Variants in JDP2 observed in about 807,000 individuals in gnomAD.
The protein encoded by JDP2 is progesterone receptor co-activator.
A neutral mutation model predicts 17.1 loss-of-function variants in JDP2; 9 were observed. That is an observed-to-expected ratio of 0.53 (90% CI 0.32 to 0.92). The LOEUF (loss-of-function observed/expected upper bound fraction) is 0.92. JDP2 is among the 40% of genes least tolerant of loss of function. JDP2 has a pLI of 0.04. For missense variants in JDP2, 179 were observed against 220.0 expected (o/e 0.81, Z 1.18); for synonymous variants, 107 against 95.6 (o/e 1.12, Z -0.69).
chr14:75,472,067 G>A lies in JDP2; in HGVS notation c.*2592G>A, dbSNP rs1026154105. 2.6e-5 allele frequency: 4 copies of A among 152,208 alleles called. No individual in the cohort carries two copies. The highest frequency in any genetic ancestry group is 4.8e-5 in the African/African-American group (2 of 41,434). The allele number at this position is 152,208 out of a possible 1,614,324, so 9.4% of individuals were successfully genotyped here. On this transcript the variant is annotated 3_prime_UTR_variant, in exon 4 of 4. Coordinates refer to ENST00000651602, the MANE Select transcript of JDP2 (RefSeq NM_001135048.2). ...AGTCACCACACCAGTGACTTGTGCT[G>A]TGCGGAGCCTTCCTCACCAGGACCA... is the stretch of plus-strand genomic sequence containing the variant.
At chr14:75,427,642 G>C (rs1884582141), upstream of JDP2, 1 of 154,288 alleles carries the variant, frequency 6.5e-6, no homozygotes, top group South Asian at 2.0e-4. This position sits in a 1 kb window ranked among gnomAD's most constrained non-coding sequence, Gnocchi z 4.4. Context: ...CTAGGGCTGC[G>C]GCTGCTGCTG....
intron 2 of JDP2, among the ~76,000 whole-genome samples, chr14:75,441,513 C>T (rs1693202358): frequency 6.6e-6 from 1 of 152,162 alleles, no homozygotes; most frequent in African/African-American, 2.4e-5. Context: ...CATCTCTCGG[C>T]ACCGTATATT....
Position 75,472,209 on chromosome 14 carries a change from C to G in JDP2, c.*2734C>G, listed in dbSNP as rs1210431756. On this transcript the variant is annotated 3_prime_UTR_variant, in exon 4 of 4. Transcript: ENST00000651602. Reference sequence around the variant, plus strand: ...TGTGACCTCAACTGCTTTGTGCACCCTGACTGGGGGGTAGGTGCTAGCGTT... The same window carrying G: ...TGTGACCTCAACTGCTTTGTGCACCGTGACTGGGGGGTAGGTGCTAGCGTT... The G allele has an allele frequency of 6.6e-6, 1 of 152,232 alleles. No homozygotes were observed. Among genetic ancestry groups the G allele is most frequent in the Non-Finnish European group, 1.5e-5 (1 of 68,044 alleles). 9.4% of individuals were successfully genotyped at this position (152,232 alleles called of 1,614,324 possible).
At chr14:75,434,059 CTT>C (rs1884946028) in intron 1 of JDP2, among the ~76,000 whole-genome samples, 1 of 152,180 alleles carries the variant, frequency 6.6e-6, no homozygotes, top group South Asian at 2.1e-4. Flanking sequence ...GATTTCACCT[CTT>C]GTCATCTTTC....
At position 75,435,287 on chromosome 14, in the gene JDP2, G is replaced by A. The variant is rs571253976; in HGVS notation, c.-23-2611G>A. Among the ~76,000 whole-genome samples the A allele has an allele frequency of 3.9e-5, 6 of 152,350 alleles. No individual in the cohort carries two copies. The South Asian group carries it at 1.0e-3, about 26-fold the overall frequency. ...CCACTAGGCTCCAGTCCAGCTCAGAGTTTGGGGGATCAGAGAACATTGAAC... is the reference window on the plus strand; with the variant it reads ...CCACTAGGCTCCAGTCCAGCTCAGAATTTGGGGGATCAGAGAACATTGAAC... On this transcript the variant is annotated intron_variant, in intron 1 of 3. Transcript: ENST00000651602.
Position 75,432,038 on chromosome 14 carries a change from G to C in JDP2, c.-24+3786G>C, listed in dbSNP as rs894067684. 3.7e-4 allele frequency: 190 copies of C among 520,532 alleles called. 1 individual carries two copies. The highest frequency in any genetic ancestry group is 3.1e-3 in the Middle Eastern group (6 of 1,962). 32.2% of individuals were successfully genotyped at this position (520,532 alleles called of 1,614,324 possible). A position where few individuals can be genotyped will look rare whatever the true frequency, so the allele number is the denominator to read the frequency against. On this transcript the variant is annotated intron_variant, in intron 1 of 3. Coordinates refer to ENST00000651602, the MANE Select transcript of JDP2 (RefSeq NM_001135048.2). ...CCCAAGGGCACACAGCTAGTAAGAA[G>C]GGACAGAGCTAGGATTCACACTCAG...
intron 2 of JDP2, among the ~76,000 whole-genome samples, chr14:75,439,000 G>A (rs1201495497): frequency 6.6e-6 from 1 of 152,250 alleles, no homozygotes; most frequent in African/African-American, 2.4e-5. Context: ...GTGGGGAAGA[G>A]GCTGGGATCG....
At chr14:75,432,429 C>T (rs1395593107) in intron 1 of JDP2, 1 of 1,243,950 alleles carries the variant, frequency 8.0e-7, no homozygotes, top group East Asian at 2.6e-5. Flanking sequence ...GGAATCTTCC[C>T]AGGCTCTGGC....
intron 1 of JDP2, chr14:75,432,046 G>A (rs1884821962): frequency 1.8e-6 from 1 of 547,120 alleles, no homozygotes; most frequent in Non-Finnish European, 3.3e-6. Flanking sequence ...AAGGGACAGA[G>A]CTAGGATTCA....
chr14:75,432,277 G>A (rs1884841446), intron 1 of JDP2: 4 of 1,545,580 alleles, frequency 2.6e-6, no homozygotes, highest in Middle Eastern at 1.7e-4. Flanking sequence ...GTCATCCTGG[G>A]TGATTCCTTA....
At chr14:75,462,253 C>T (rs1594974051) in intron 3 of JDP2, among the ~76,000 whole-genome samples, 1 of 152,194 alleles carries the variant, frequency 6.6e-6, no homozygotes, top group Admixed American at 6.6e-5. Context: ...GGGAACATGA[C>T]CAGAAAGCTA....
intron 2 of JDP2, among the ~76,000 whole-genome samples, chr14:75,455,927 G>C (rs1350405278): frequency 2.0e-5 from 3 of 152,154 alleles, no homozygotes; most frequent in Non-Finnish European, 2.9e-5. Context: ...CTGCTTAAGG[G>C]CCCTTCCGCA....
chr14:75,438,152 C>G, intron 2 of JDP2, 31 bp downstream of exon 2: 1 of 1,539,754 alleles, frequency 6.5e-7, no homozygotes, highest in Non-Finnish European at 8.8e-7. Context: ...TGGCAGATTC[C>G]AGGTCTGGCC....
chr14:75,443,295 G>A (rs184693476), intron 2 of JDP2, among the ~76,000 whole-genome samples: 32 of 152,296 alleles, frequency 2.1e-4, no homozygotes, highest in Non-Finnish European at 3.7e-4. Flanking sequence ...GTTGGCCTAA[G>A]CATGCTTGTG....
chr14:75,445,776 T>C (rs2359795), intron 2 of JDP2: 98,994 of 192,594 alleles, frequency 0.51, 26,702 homozygotes, highest in African/African-American at 0.72. Context: ...TTAGATTTTA[T>C]GCCAAAAATA....
chr14:75,445,400 C>G, intron 2 of JDP2: 1 of 985,456 alleles, frequency 1.0e-6, no homozygotes. Flanking sequence ...ACAGGATCCC[C>G]TTTTACTGAG....
At chr14:75,464,944 AATAATGCT>A (rs1418752852) in intron 3 of JDP2, among the ~76,000 whole-genome samples, 1 of 152,216 alleles carries the variant, frequency 6.6e-6, no homozygotes, top group Non-Finnish European at 1.5e-5. Flanking sequence ...TGTTAGTAGC[AATAATGCT>A]ATCTCACACT....
chr14:75,451,330 G>A (rs1461413783), intron 2 of JDP2, among the ~76,000 whole-genome samples: 2 of 151,770 alleles, frequency 1.3e-5, no homozygotes, highest in African/African-American at 4.8e-5. Context: ...GATGGGGGGA[G>A]CAAATCTGAC....
intron 2 of JDP2, among the ~76,000 whole-genome samples, chr14:75,441,236 T>A (rs952437291): frequency 2.6e-5 from 4 of 152,110 alleles, no homozygotes; most frequent in Admixed American, 2.0e-4. Flanking sequence ...AGGCCAGCAG[T>A]CTCCTGGGCT....
Sources: allele counts gnomAD v4.1 joint callset (sites outside exome capture counted in the v4.1 genomes callset), GRCh38; gene constraint gnomAD v4.1.1; non-coding constraint Gnocchi (gnomAD v3.1); transcripts MANE v1.5; gene names NCBI Gene and HGNC (gene_info 2026-07-23, HGNC 2026-07-21).